The following TRPC7 variants were observed in gnomAD, a reference collection of about 807,000 sequenced individuals.
TRPC7 encodes transient receptor potential cation channel subfamily C member 7.
A neutral mutation model predicts 90.1 loss-of-function variants in TRPC7; 42 were observed. The ratio of observed to expected loss-of-function variants is 0.47; its 90% CI spans 0.36 to 0.60. The LOEUF (loss-of-function observed/expected upper bound fraction) is 0.60. TRPC7 is among the 20% of genes least tolerant of loss of function. TRPC7 has a pLI of 0.00. For synonymous variants in TRPC7, 451 were observed against 436.3 expected (o/e 1.03, Z -0.42); for missense variants, 955 against 1,112.3 (o/e 0.86, Z 2.01).
At chr5:136,339,609 C>T (rs1184136935) in intron 2 of TRPC7, among the ~76,000 whole-genome samples, 1 of 152,104 alleles carries the variant, frequency 6.6e-6, no homozygotes, top group Non-Finnish European at 1.5e-5. Flanking sequence ...TACCAAGAAA[C>T]AGACTCAAAA....
intron 5 of TRPC7, among the ~76,000 whole-genome samples, chr5:136,259,642 T>C (rs898103826): frequency 1.3e-5 from 2 of 152,224 alleles, no homozygotes; most frequent in Non-Finnish European, 2.9e-5. Flanking sequence ...AAACTTATTA[T>C]AAGCTTGTTA....
chr5:136,357,244 C>A lies in TRPC7; in HGVS notation c.144G>T (p.Leu48=). ...GGATGTTGCCATACTCAGCCGAGTCCAGGAAGCGCTCCTCCTCGGGCGTCA... is the reference window on the plus strand; with the variant it reads ...GGATGTTGCCATACTCAGCCGAGTCAAGGAAGCGCTCCTCCTCGGGCGTCA... ...TSLTPEEERF[L]DSAEYGNIPV... Residue 48 remains leucine (L), a synonymous_variant, in exon 2 of 12, where the codon CTG becomes CTT. Transcript: ENST00000513104. The A allele has an allele frequency of 6.2e-7, 1 of 1,613,868 alleles. No individual in the cohort carries two copies. Among genetic ancestry groups the A allele is most frequent in the Non-Finnish European group, 8.5e-7 (1 of 1,179,986 alleles).
chr5:136,223,847 C>T (rs1755541203), intron 10 of TRPC7, among the ~76,000 whole-genome samples: 1 of 152,162 alleles, frequency 6.6e-6, no homozygotes, highest in Admixed American at 6.5e-5. Flanking sequence ...AATAAAAATA[C>T]TTTCACTGAC....
At chr5:136,252,187 A>T (rs1338524484) in intron 5 of TRPC7, among the ~76,000 whole-genome samples, 2 of 152,036 alleles carry the variant, frequency 1.3e-5, no homozygotes, top group Admixed American at 1.3e-4. Flanking sequence ...CACTTTAAGA[A>T]CTTTAAGAAC....
chr5:136,332,275 G>A (rs779376988), intron 2 of TRPC7, among the ~76,000 whole-genome samples: 2 of 152,148 alleles, frequency 1.3e-5, no homozygotes, highest in Non-Finnish European at 2.9e-5. Flanking sequence ...GGTGCAATGT[G>A]GGTAGGAGTG....
At chr5:136,318,629 C>T (rs1453578359) in intron 2 of TRPC7, among the ~76,000 whole-genome samples, 1 of 152,140 alleles carries the variant, frequency 6.6e-6, no homozygotes, top group Non-Finnish European at 1.5e-5. Flanking sequence ...CCTTGACAGC[C>T]CATTTTCTGA....
chr5:136,216,525 G>A (rs924189590), intron 10 of TRPC7, among the ~76,000 whole-genome samples: 2 of 152,238 alleles, frequency 1.3e-5, no homozygotes, highest in Non-Finnish European at 2.9e-5. Flanking sequence ...TTAATGGCAG[G>A]AAGCTGAGCC....
chr5:136,252,147 A>G (rs912184149), intron 5 of TRPC7, among the ~76,000 whole-genome samples: 1 of 152,226 alleles, frequency 6.6e-6, no homozygotes, highest in African/African-American at 2.4e-5. Flanking sequence ...TGGAGGGAAT[A>G]TAGGAGAAAT....
In TRPC7 at chr5:136,287,790, C is replaced by T. The variant is rs532850115; in HGVS notation, c.964-12953G>A. On this transcript the variant is annotated intron_variant, in intron 3 of 11. Coordinates refer to ENST00000513104, the MANE Select transcript of TRPC7 (RefSeq NM_020389.3). The stretch of plus-strand genomic sequence containing the variant: ...TGGAGCCACAGCTTAGGACAGATTG[C>T]GGTGATCAGCACTTGTTAGTGGCAT... 2.1e-3 allele frequency among the ~76,000 whole-genome samples: 303 copies of T among 141,418 alleles called. 1 individual carries two copies. The highest frequency in any genetic ancestry group is 6.8e-3 in the African/African-American group (266 of 38,844). The allele number at this position is 141,418 out of a possible 152,430, so 92.8% of individuals were successfully genotyped here. A position where few individuals can be genotyped will look rare whatever the true frequency, so the allele number is the denominator to read the frequency against.
chr5:136,280,109 G>A (rs376202332), intron 3 of TRPC7, among the ~76,000 whole-genome samples: 22 of 152,266 alleles, frequency 1.4e-4, no homozygotes, highest in South Asian at 6.2e-4. Context: ...GCAGTGAGCC[G>A]AGATTGCACC....
intron 3 of TRPC7, among the ~76,000 whole-genome samples, chr5:136,302,378 C>A (rs1444331195): frequency 6.6e-6 from 1 of 152,074 alleles, no homozygotes; most frequent in Non-Finnish European, 1.5e-5. Context: ...GGGCAAGTAT[C>A]CCTCAACCCC....
In TRPC7 at chr5:136,346,910, C is replaced by T. The variant is rs369036219; in HGVS notation, c.780+9698G>A. Among the ~76,000 whole-genome samples the T allele has an allele frequency of 1.4e-3, 217 of 152,248 alleles. 1 individual carries two copies. Among genetic ancestry groups the T allele is most frequent in the African/African-American group, 4.9e-3 (202 of 41,524 alleles). On this transcript the variant is annotated intron_variant, in intron 2 of 11. Coordinates refer to ENST00000513104, the MANE Select transcript of TRPC7 (RefSeq NM_020389.3). Reference sequence around the variant, plus strand: ...TATTTGGAAATAGGATATTTGCTGGCGTAACTAGTTAAGATGAAGTCCTAT... The same window carrying T: ...TATTTGGAAATAGGATATTTGCTGGTGTAACTAGTTAAGATGAAGTCCTAT...
chr5:136,313,934 G>A (rs1758923763), intron 3 of TRPC7, among the ~76,000 whole-genome samples: 2 of 152,140 alleles, frequency 1.3e-5, no homozygotes, highest in Non-Finnish European at 2.9e-5. Flanking sequence ...CTTGGTAATT[G>A]ACAAAAGAGG....
At chr5:136,362,664 A>G (rs369448683) in intron 1 of TRPC7, among the ~76,000 whole-genome samples, 5 of 152,268 alleles carry the variant, frequency 3.3e-5, no homozygotes, top group African/African-American at 1.2e-4. Flanking sequence ...TGGTGGACTC[A>G]CTATTAAGGA....
chr5:136,331,968 G>T (rs1410832574), intron 2 of TRPC7, among the ~76,000 whole-genome samples: 1 of 151,774 alleles, frequency 6.6e-6, no homozygotes, highest in African/African-American at 2.4e-5. Context: ...GGTAAGCAGA[G>T]GGTTTATGCA....
chr5:136,345,548 G>A (rs534586962), intron 2 of TRPC7, among the ~76,000 whole-genome samples: 18 of 151,982 alleles, frequency 1.2e-4, no homozygotes, highest in Admixed American at 9.2e-4. Context: ...GTGACAGAGC[G>A]AGACTCCGCC....
chr5:136,213,509 G>C lies in TRPC7; in HGVS notation c.2515C>G (p.Gln839Glu). 1.2e-6 allele frequency: 2 copies of C among 1,614,044 alleles called. No individual in the cohort carries two copies. Among genetic ancestry groups the C allele is most frequent in the Non-Finnish European group, 1.7e-6 (2 of 1,179,894 alleles). ...TTTCCAAACTTCTCGCTGAGTTGTT[G>C]AATCAGGTCTGCCAGCTCACCAGTA... ...QATGELADLI[Q>E]QLSEKFGKNL... Residue 839 changes from glutamine (Q) to glutamate (E), a missense_variant, in exon 12 of 12, where the codon CAA (glutamine) becomes GAA (glutamate). Physicochemically the swap from Gln to Glu is conservative, Grantham distance 29. Coordinates refer to ENST00000513104, the MANE Select transcript of TRPC7 (RefSeq NM_020389.3).
intron 2 of TRPC7, among the ~76,000 whole-genome samples, chr5:136,330,374 A>G (rs1463262246): frequency 6.6e-6 from 1 of 152,186 alleles, no homozygotes; most frequent in Non-Finnish European, 1.5e-5. Flanking sequence ...TACTATCATC[A>G]TTTTTGTCTT....
intron 3 of TRPC7, among the ~76,000 whole-genome samples, chr5:136,315,141 T>A (rs1041152570): frequency 2.0e-5 from 3 of 152,188 alleles, no homozygotes; most frequent in Non-Finnish European, 4.4e-5. Flanking sequence ...GGGCTGTTGA[T>A]CCCATAAGCT....
Sources: allele counts gnomAD v4.1 joint callset (sites outside exome capture counted in the v4.1 genomes callset), GRCh38; gene constraint gnomAD v4.1.1; transcripts MANE v1.5; gene names NCBI Gene and HGNC (gene_info 2026-07-23, HGNC 2026-07-21).